The following NR2F1-AS1 variants were observed in gnomAD, a reference collection of about 807,000 sequenced individuals.
NR2F1-AS1 encodes the protein NR2F1 antisense RNA 1.
At chr5:93,448,439 T>C (rs1050403346) in intron 4 of NR2F1-AS1, among the ~76,000 whole-genome samples, 2 of 152,178 alleles carry the variant, frequency 1.3e-5, no homozygotes, top group Non-Finnish European at 2.9e-5. Context: ...ACAAAGACAA[T>C]GGCTGGTCTC....
intron 4 of NR2F1-AS1, among the ~76,000 whole-genome samples, chr5:93,514,245 C>G (rs1030319834): frequency 1.3e-5 from 2 of 151,962 alleles, no homozygotes; most frequent in African/African-American, 4.8e-5. Flanking sequence ...CTAGTAACAC[C>G]CAATGCTGCA....
chr5:93,443,899 C>A (rs1749631216), intron 4 of NR2F1-AS1, among the ~76,000 whole-genome samples: 1 of 152,184 alleles, frequency 6.6e-6, no homozygotes, highest in Non-Finnish European at 1.5e-5. Flanking sequence ...CAATATTCAA[C>A]ATTCTTAAGG....
intron 4 of NR2F1-AS1, among the ~76,000 whole-genome samples, chr5:93,546,648 T>A (rs553026611): frequency 1.3e-5 from 2 of 152,298 alleles, no homozygotes; most frequent in East Asian, 3.9e-4. Context: ...GGATGCCAGC[T>A]ATTATCTCTG....
At chr5:93,476,266 A>G (rs1055839976) in intron 4 of NR2F1-AS1, among the ~76,000 whole-genome samples, 4 of 152,208 alleles carry the variant, frequency 2.6e-5, no homozygotes, top group Non-Finnish European at 2.9e-5. Context: ...GTTCAAAGCC[A>G]TCTTTTTTTC....
chr5:93,498,302 G>A (rs1238068727), intron 4 of NR2F1-AS1, among the ~76,000 whole-genome samples: 1 of 152,040 alleles, frequency 6.6e-6, no homozygotes. Context: ...AGATTTAATA[G>A]TCTTTCTTGC....
chr5:93,562,195 A>AAAAAAAAAAAAAAAG (rs755007063), intron 2 of NR2F1-AS1, among the ~76,000 whole-genome samples: 3 of 136,722 alleles, frequency 2.2e-5, no homozygotes, highest in Admixed American at 7.3e-5. Flanking sequence ...AAAAAAAAAA[A>AAAAAAAAAAAAAAAG]AAAAGAAAAG....
intron 4 of NR2F1-AS1, among the ~76,000 whole-genome samples, chr5:93,418,842 C>G (rs1356206226): frequency 6.6e-6 from 1 of 152,118 alleles, no homozygotes; most frequent in East Asian, 1.9e-4. Context: ...TCACTGAAAG[C>G]ATTACTGAAA....
chr5:93,450,107 C>G (rs1183606994), intron 4 of NR2F1-AS1, among the ~76,000 whole-genome samples: 1 of 152,142 alleles, frequency 6.6e-6, no homozygotes. Context: ...TTTTCTAACT[C>G]TTTTCTCGAA....
intron 4 of NR2F1-AS1, among the ~76,000 whole-genome samples, chr5:93,417,626 G>A (rs1748995017): frequency 1.3e-5 from 2 of 152,248 alleles, no homozygotes; most frequent in South Asian, 4.1e-4. Context: ...GCAGTGAAAT[G>A]ATCTAACAGC....
chr5:93,426,775 G>A (rs1220233729), intron 4 of NR2F1-AS1, among the ~76,000 whole-genome samples: 1 of 152,178 alleles, frequency 6.6e-6, no homozygotes. Flanking sequence ...GAAGAAGAGT[G>A]GGAAAGTAAA....
At chr5:93,465,745 TA>T (rs1750215210) in intron 4 of NR2F1-AS1, among the ~76,000 whole-genome samples, 1 of 152,142 alleles carries the variant, frequency 6.6e-6, no homozygotes, top group African/African-American at 2.4e-5. Flanking sequence ...TATGCAGCCA[TA>T]AAAAAGGATG....
At chr5:93,451,623 C>A (rs541699526) in intron 4 of NR2F1-AS1, among the ~76,000 whole-genome samples, 14 of 152,062 alleles carry the variant, frequency 9.2e-5, no homozygotes, top group African/African-American at 3.4e-4. Flanking sequence ...GACTGGTCTC[C>A]AACTCCTGAG....
chr5:93,442,763 T>C (rs1001010080), intron 4 of NR2F1-AS1, among the ~76,000 whole-genome samples: 12 of 152,204 alleles, frequency 7.9e-5, no homozygotes, highest in African/African-American at 2.7e-4. Context: ...CCCTGACCCC[T>C]GAGTAGCCTA....
intron 4 of NR2F1-AS1, among the ~76,000 whole-genome samples, chr5:93,431,635 AATGGTGC>A (rs1486073854): frequency 5.9e-5 from 9 of 152,222 alleles, no homozygotes; most frequent in Non-Finnish European, 1.2e-4. Context: ...AGGTGCAATG[AATGGTGC>A]ATAGGTCTTT....
chr5:93,560,008 T>G (rs1318001211), intron 2 of NR2F1-AS1, among the ~76,000 whole-genome samples: 2 of 152,228 alleles, frequency 1.3e-5, no homozygotes, highest in African/African-American at 2.4e-5. Context: ...AAACGTAGTA[T>G]CTGTGAAGCA....
At position 93,560,528 on chromosome 5, in the gene NR2F1-AS1, TG is replaced by T. The variant is rs770930334; in HGVS notation, n.413+2835del. Among the ~76,000 whole-genome samples, 5 of 152,322 alleles carry T rather than the reference TG, an allele frequency of 3.3e-5. No homozygotes were observed. In the East Asian group the frequency reaches 9.6e-4, roughly 29 times the overall value. The stretch of plus-strand genomic sequence containing the variant: ...TACCACTCCTTTATTCCCTCAAATT[TG>T]TAAGCTTTAGCCAGTCCAGAAAAAC... On this transcript the variant is annotated intron_variant and non_coding_transcript_variant, in intron 2 of 5. Transcript: ENST00000660523.
At chr5:93,424,391 T>C (rs917947538) in intron 4 of NR2F1-AS1, among the ~76,000 whole-genome samples, 2 of 151,958 alleles carry the variant, frequency 1.3e-5, no homozygotes, top group Non-Finnish European at 2.9e-5. Context: ...TTTTTCTTAA[T>C]AGTATTAGTA....
chr5:93,510,812 T>C (rs1161861764), intron 4 of NR2F1-AS1, among the ~76,000 whole-genome samples: 2 of 152,280 alleles, frequency 1.3e-5, no homozygotes, highest in South Asian at 2.1e-4. Flanking sequence ...TCCATACAAC[T>C]CTTAGTTACA....
chr5:93,549,234 T>C (rs78252490), intron 4 of NR2F1-AS1, among the ~76,000 whole-genome samples: 3,370 of 152,272 alleles, frequency 0.022, 116 homozygotes, highest in African/African-American at 0.077. Flanking sequence ...TTTATACAAC[T>C]ATGTGTAACA....
Sources: allele counts gnomAD v4.1 joint callset (sites outside exome capture counted in the v4.1 genomes callset), GRCh38; gene constraint gnomAD v4.1.1; transcripts MANE v1.5; gene names NCBI Gene and HGNC (gene_info 2026-07-23, HGNC 2026-07-21).